The following AFAP1L2 variants were observed in gnomAD, a reference collection of about 807,000 sequenced individuals.
The protein encoded by AFAP1L2 is actin filament associated protein 1 like 2.
A neutral mutation model predicts 99.3 loss-of-function variants in AFAP1L2; 46 were observed. The observed-to-expected ratio is 0.46, with a 90% CI of 0.37 to 0.59. The LOEUF is 0.59. AFAP1L2 is among the 20% of genes least tolerant of loss of function. The pLI, the probability that AFAP1L2 is intolerant of heterozygous loss-of-function variation, is 0.00. For synonymous variants in AFAP1L2, 397 were observed against 419.1 expected (o/e 0.95, Z 0.64); for missense variants, 959 against 1,034.9 (o/e 0.93, Z 1.01).
chr10:114,291,311 A>T, downstream of AFAP1L2: 2 of 1,472,058 alleles, frequency 1.4e-6, no homozygotes, highest in Non-Finnish European at 1.8e-6. Flanking sequence ...TGGGCACTGA[A>T]ATGGTGCCTA....
chr10:114,391,232 T>C (rs2057116209), intron 1 of AFAP1L2, among the ~76,000 whole-genome samples: 1 of 152,070 alleles, frequency 6.6e-6, no homozygotes, highest in African/African-American at 2.4e-5. Context: ...TTTTTTTCTT[T>C]TTTTTTAGAC....
rs529376296 is a variant in AFAP1L2 at position 114,297,797 on chromosome 10, C to T, written c.2114-384G>A. ...CCTGCCCTACCAAGTTCCCTCAATCCTCTGGCTTCCCTACGCCTAACAGAG... is the reference window on the plus strand; with the variant it reads ...CCTGCCCTACCAAGTTCCCTCAATCTTCTGGCTTCCCTACGCCTAACAGAG... On this transcript the variant is annotated intron_variant, in intron 16 of 18. Coordinates refer to ENST00000304129, the MANE Select transcript of AFAP1L2 (RefSeq NM_001001936.3). Among the ~76,000 whole-genome samples the T allele has an allele frequency of 2.0e-5, 3 of 152,310 alleles. No homozygotes were observed. The East Asian group carries it at 5.8e-4, about 29-fold the overall frequency.
chr10:114,386,819 T>C (rs772085798), intron 1 of AFAP1L2, among the ~76,000 whole-genome samples: 17 of 152,256 alleles, frequency 1.1e-4, no homozygotes, highest in Non-Finnish European at 1.9e-4. Flanking sequence ...TCAGGCCATG[T>C]GGGCCTCGGT....
intron 1 of AFAP1L2, among the ~76,000 whole-genome samples, chr10:114,342,366 T>C (rs2048942756): frequency 6.6e-6 from 1 of 152,226 alleles, no homozygotes; most frequent in Admixed American, 6.5e-5. Flanking sequence ...AGACACCTTC[T>C]CTGGGCCTCT....
chr10:114,309,815 C>T (rs1195263124), intron 8 of AFAP1L2, among the ~76,000 whole-genome samples: 4 of 152,182 alleles, frequency 2.6e-5, no homozygotes, highest in Admixed American at 6.5e-5. Context: ...TCTCCCCATT[C>T]GCCCACCCCC....
rs200285773 is a variant in AFAP1L2 at position 114,331,866 on chromosome 10, C to T, written c.252G>A (p.Gly84=). ...APEEQGLLPN[G]EPSQHSSAPQ... ...GGGCCGAGGAGTGCTGGCTGGGCTC[C>T]CCATTGGGTAGCAGGCCCTGCTCCT... Residue 84 remains glycine, a synonymous_variant, in exon 4 of 19, where the codon GGG becomes GGA. Coordinates refer to ENST00000304129, the MANE Select transcript of AFAP1L2 (RefSeq NM_001001936.3). The T allele has an allele frequency of 9.4e-5, 129 of 1,367,042 alleles. No homozygotes were observed. The East Asian group carries it at 3.9e-3, about 41-fold the overall frequency. 84.7% of individuals were successfully genotyped at this position (1,367,042 alleles called of 1,614,324 possible).
chr10:114,306,361 A>ACGCGGGGGCAGGAGGGGC (rs2042433255), intron 10 of AFAP1L2, among the ~76,000 whole-genome samples: 2 of 129,232 alleles, frequency 1.5e-5, no homozygotes. Flanking sequence ...GCAGGAGGGG[A>ACGCGGGGGCAGGAGGGGC]TGCGGGGGCA....
At chr10:114,366,758 G>A (rs1336590949) in intron 1 of AFAP1L2, among the ~76,000 whole-genome samples, 1 of 152,160 alleles carries the variant, frequency 6.6e-6, no homozygotes, top group Non-Finnish European at 1.5e-5. Context: ...ATGAGGTCAG[G>A]AGTTCAAGAC....
chr10:114,320,119 G>A (rs2044917337), intron 5 of AFAP1L2, among the ~76,000 whole-genome samples: 1 of 152,118 alleles, frequency 6.6e-6, no homozygotes, highest in Non-Finnish European at 1.5e-5. Flanking sequence ...ATAAACAGGA[G>A]CTGCTGGGTT....
At chr10:114,405,164 A>G, upstream of AFAP1L2, among the ~76,000 whole-genome samples, 1 of 152,138 alleles carries the variant, frequency 6.6e-6, no homozygotes, top group East Asian at 1.9e-4. Context: ...TCCAGGGCCA[A>G]CGCCACAAGT....
At chr10:114,355,560 A>AT (rs1554933417) in intron 1 of AFAP1L2, among the ~76,000 whole-genome samples, 31 of 151,972 alleles carry the variant, frequency 2.0e-4, no homozygotes, top group African/African-American at 7.0e-4. Context: ...AAAAAAAAAA[A>AT]GTTTTGCTGA....
intron 1 of AFAP1L2, among the ~76,000 whole-genome samples, chr10:114,350,582 C>A (rs560722811): frequency 6.6e-6 from 1 of 152,292 alleles, no homozygotes; most frequent in Admixed American, 6.5e-5. Flanking sequence ...GTCCAGTAGA[C>A]CTGGGCAAAG....
At chr10:114,316,375 C>T (rs538994960) in intron 5 of AFAP1L2, among the ~76,000 whole-genome samples, 43 of 152,338 alleles carry the variant, frequency 2.8e-4, no homozygotes, top group South Asian at 1.9e-3. Flanking sequence ...GAAACACTTT[C>T]TGGGGAAAGG....
At chr10:114,348,017 G>C (rs931150740) in intron 1 of AFAP1L2, among the ~76,000 whole-genome samples, 1 of 152,002 alleles carries the variant, frequency 6.6e-6, no homozygotes, top group Admixed American at 6.6e-5. Flanking sequence ...ATCTGCTTTC[G>C]GTCCAGTGGA....
intron 1 of AFAP1L2, among the ~76,000 whole-genome samples, chr10:114,344,031 G>T (rs762000537): frequency 6.6e-6 from 1 of 152,228 alleles, no homozygotes; most frequent in Non-Finnish European, 1.5e-5. Context: ...CTGAGATAAA[G>T]TGAGGAGGGA....
Position 114,315,708 on chromosome 10 carries a change from T to TTGCTG in AFAP1L2, c.459_463dup (p.Lys155ThrfsTer20), listed in dbSNP as rs1043205596. On this transcript the variant is annotated frameshift_variant, in exon 6 of 19. Coordinates refer to ENST00000304129, the MANE Select transcript of AFAP1L2 (RefSeq NM_001001936.3). LOFTEE classifies it high-confidence loss of function. The stretch of plus-strand genomic sequence containing the variant: ...CCACTGGTAAGGGGCCGACTTGCCC[T>TTGCTG]TGCTGCCGTCCTCTTCATCGTAGGA... The TTGCTG allele has an allele frequency of 6.2e-7, 1 of 1,613,666 alleles. No individual in the cohort carries two copies. The highest frequency in any genetic ancestry group is 8.5e-7 in the Non-Finnish European group (1 of 1,179,970).
downstream of AFAP1L2, among the ~76,000 whole-genome samples, chr10:114,292,667 A>G (rs961648615): frequency 2.6e-5 from 4 of 150,958 alleles, no homozygotes; most frequent in Non-Finnish European, 5.9e-5. Flanking sequence ...TTTTCTGTAG[A>G]AATCTTTCTA....
At chr10:114,330,898 G>C (rs1004568274) in intron 4 of AFAP1L2, among the ~76,000 whole-genome samples, 5 of 152,200 alleles carry the variant, frequency 3.3e-5, no homozygotes, top group African/African-American at 1.2e-4. Context: ...GTAACTGGGT[G>C]GTGGGTAGAT....
chr10:114,389,056 T>C (rs1472430974), intron 1 of AFAP1L2, among the ~76,000 whole-genome samples: 2 of 152,190 alleles, frequency 1.3e-5, no homozygotes, highest in African/African-American at 4.8e-5. Context: ...ACTTAAGCTT[T>C]AGTTACTGAC....
Sources: allele counts gnomAD v4.1 joint callset (sites outside exome capture counted in the v4.1 genomes callset), GRCh38; gene constraint gnomAD v4.1.1; transcripts MANE v1.5; gene names NCBI Gene and HGNC (gene_info 2026-07-23, HGNC 2026-07-21).